TNS3: variants seen among roughly 807,000 people sequenced by gnomAD.
TNS3 encodes tensin 3.
A neutral mutation model predicts 140.9 loss-of-function variants in TNS3; 45 were observed. The ratio of observed to expected loss-of-function variants is 0.32; its 90% CI spans 0.25 to 0.41. The LOEUF (loss-of-function observed/expected upper bound fraction) is 0.41, where lower values mean the gene tolerates loss of function less well. Among genes scored for constraint, TNS3 ranks in the 10% least tolerant of loss-of-function variants. TNS3 has a pLI of 1.00. For missense variants in TNS3, 1,716 were observed against 1,906.7 expected (o/e 0.90, Z 1.86); for synonymous variants, 815 against 788.4 (o/e 1.03, Z -0.56).
intron 4 of TNS3, among the ~76,000 whole-genome samples, chr7:47,475,419 G>A (rs895383736): frequency 1.3e-5 from 2 of 152,244 alleles, no homozygotes; most frequent in African/African-American, 4.8e-5. Context: ...GACCTGCCCG[G>A]AGCTGGATCA....
At chr7:47,465,958 T>C (rs568492380) in intron 4 of TNS3, among the ~76,000 whole-genome samples, 1 of 146,926 alleles carries the variant, frequency 6.8e-6, no homozygotes, top group African/African-American at 2.7e-5. Flanking sequence ...ATAAATAATT[T>C]AAAAAAATAA....
intron 1 of TNS3, among the ~76,000 whole-genome samples, chr7:47,573,153 A>T (rs1800596897): frequency 6.6e-6 from 1 of 152,244 alleles, no homozygotes; most frequent in Non-Finnish European, 1.5e-5. Context: ...CACGGCCCCA[A>T]GGACTGAAGC....
intron 16 of TNS3, among the ~76,000 whole-genome samples, chr7:47,391,121 G>C (rs1792490214): frequency 6.6e-6 from 1 of 152,178 alleles, no homozygotes; most frequent in Non-Finnish European, 1.5e-5. Flanking sequence ...CCGTGAATAT[G>C]TGCTGCTCGC....
intron 1 of TNS3, chr7:47,539,256 G>T: frequency 2.6e-6 from 1 of 385,062 alleles, no homozygotes; most frequent in South Asian, 1.9e-5. Context: ...GAAGGCAAAT[G>T]GTTGAAGGTG....
At chr7:47,413,281 T>C (rs1363621728) in intron 12 of TNS3, among the ~76,000 whole-genome samples, 1 of 121,438 alleles carries the variant, frequency 8.2e-6, no homozygotes, top group Non-Finnish European at 1.7e-5. Flanking sequence ...TTTTTGACTC[T>C]CGCTCTGTCA....
chr7:47,464,659 A>G (rs1263301739), intron 4 of TNS3, among the ~76,000 whole-genome samples: 1 of 152,166 alleles, frequency 6.6e-6, no homozygotes, highest in African/African-American at 2.4e-5. Context: ...CTAAGTTCCC[A>G]GGTTTATGCT....
intron 28 of TNS3, among the ~76,000 whole-genome samples, chr7:47,282,315 T>C (rs1030639271): frequency 6.6e-6 from 1 of 150,654 alleles, no homozygotes; most frequent in Non-Finnish European, 1.5e-5. Flanking sequence ...ACCATGCAGA[T>C]GAGCCATGCC....
At chr7:47,423,601 T>C (rs1794493583) in intron 10 of TNS3, among the ~76,000 whole-genome samples, 1 of 152,232 alleles carries the variant, frequency 6.6e-6, no homozygotes. Context: ...CAACTGCTAA[T>C]GTGTTTGTGT....
Position 47,415,171 on chromosome 7 carries a change from G to C in TNS3, c.509C>G (p.Ser170Trp). ...CAGGGGAGAGGCATTCATTTTCACC[G>C]ATCCGGACAGGAGCCCACTGAGGAA... ...VQFLSGLLSG[S>W]VKMNASPLFL... The change falls in exon 11 of 31, where the codon TCG (serine) becomes TGG (tryptophan). Residue 170 changes from serine (S) to tryptophan (W), a missense_variant. Physicochemically the swap from Ser to Trp is radical, Grantham distance 177. Transcript: ENST00000311160. The C allele has an allele frequency of 6.2e-7, 1 of 1,610,498 alleles. No individual in the cohort carries two copies. The highest frequency in any genetic ancestry group is 1.1e-5 in the South Asian group (1 of 90,566).
At chr7:47,327,947 A>G (rs1788116056) in intron 20 of TNS3, among the ~76,000 whole-genome samples, 1 of 151,926 alleles carries the variant, frequency 6.6e-6, no homozygotes, top group African/African-American at 2.4e-5. Context: ...GGGACTGAGC[A>G]GGAAGAAGCA....
chr7:47,378,873 T>G (rs925268386), intron 16 of TNS3, among the ~76,000 whole-genome samples: 2 of 152,212 alleles, frequency 1.3e-5, no homozygotes, highest in Non-Finnish European at 2.9e-5. Context: ...AACTGACACA[T>G]GAGCCATGGC....
At chr7:47,448,105 T>G (rs1038142430) in intron 4 of TNS3, among the ~76,000 whole-genome samples, 4 of 152,142 alleles carry the variant, frequency 2.6e-5, no homozygotes, top group African/African-American at 9.7e-5. Flanking sequence ...AAAGCACATT[T>G]CCAGAGCAGC....
At position 47,283,703 on chromosome 7, in the gene TNS3, T is replaced by C. The variant is rs371019545; in HGVS notation, c.4091A>G (p.Gln1364Arg). Residue 1364 changes from glutamine to arginine, a missense_variant, in exon 28 of 31, where the codon CAG (glutamine) becomes CGG (arginine). Physicochemically the swap from Gln to Arg is conservative, Grantham distance 43 (BLOSUM62 1). This residue lies in a region of TNS3 where 216 missense variants were observed against 295.7 expected (regional missense o/e 0.73). Coordinates refer to ENST00000311160, the MANE Select transcript of TNS3 (RefSeq NM_022748.12). ...CCTCCCTCTAGGCACTCACTTCCTC[T>C]GATTGTCTGTCAGGGTGATGCCCTG... The part of the protein sequence containing the change: ...SAQGITLTDN[Q>R]RKLFFRRHYP... 6.4e-6 allele frequency: 10 copies of C among 1,573,404 alleles called. No individual in the cohort carries two copies. In the African/African-American group the frequency reaches 1.2e-4, roughly 19 times the overall value.
chr7:47,363,980 T>C (rs558452429), intron 17 of TNS3, among the ~76,000 whole-genome samples: 5 of 152,242 alleles, frequency 3.3e-5, no homozygotes, highest in African/African-American at 9.6e-5. Flanking sequence ...TTGAGGGATC[T>C]AGGACACCTT....
intron 13 of TNS3, among the ~76,000 whole-genome samples, chr7:47,406,391 A>G (rs1793450550): frequency 6.6e-6 from 1 of 152,206 alleles, no homozygotes; most frequent in African/African-American, 2.4e-5. Context: ...TTCTGCAGTT[A>G]GACTTGACTC....
At chr7:47,336,473 C>T (rs867861856) in intron 20 of TNS3, among the ~76,000 whole-genome samples, 13 of 152,198 alleles carry the variant, frequency 8.5e-5, no homozygotes, top group African/African-American at 3.1e-4. Context: ...TCCTTTAATT[C>T]ACCCATCTAT....
chr7:47,569,583 G>GTATGTA (rs1480991897), intron 1 of TNS3, among the ~76,000 whole-genome samples: 8 of 151,938 alleles, frequency 5.3e-5, no homozygotes, highest in African/African-American at 1.9e-4. Context: ...ACGGGGCGTG[G>GTATGTA]TGGCTCACGT....
At chr7:47,489,231 G>A (rs1468428162) in intron 3 of TNS3, among the ~76,000 whole-genome samples, 2 of 152,186 alleles carry the variant, frequency 1.3e-5, no homozygotes, top group Admixed American at 6.5e-5. Context: ...GGAAGAGAAA[G>A]AGAAGGAAAA....
chr7:47,477,533 G>T (rs1359443676), intron 4 of TNS3, among the ~76,000 whole-genome samples: 2 of 152,184 alleles, frequency 1.3e-5, no homozygotes, highest in Non-Finnish European at 2.9e-5. Flanking sequence ...TGATGTGGGA[G>T]TTTCTTCAGT....
Sources: gnomAD v4.1 joint callset for allele counts (sites outside exome capture counted in the v4.1 genomes callset) on GRCh38, gnomAD v4.1.1 for gene constraint, gnomAD v4.1.1 regional missense constraint, MANE v1.5 for transcripts, NCBI Gene and HGNC (gene_info 2026-07-23, HGNC 2026-07-21) for gene names.